Variants in HMG20A observed in about 807,000 individuals in gnomAD.
The protein encoded by HMG20A is high mobility group protein 20A.
HMG20A carries 17 observed loss-of-function variants against 43.9 expected under a neutral mutation model. The ratio of observed to expected loss-of-function variants is 0.39; its 90% CI spans 0.27 to 0.58. The LOEUF is 0.58. HMG20A is among the 20% of genes least tolerant of loss of function. HMG20A has a pLI of 0.59. For missense variants in HMG20A, 341 were observed against 438.2 expected, an observed-to-expected ratio of 0.78 and a Z score of 1.98; for synonymous variants, 132 against 147.5, an observed-to-expected ratio of 0.89 and a Z score of 0.76.
intron 1 of HMG20A, among the ~76,000 whole-genome samples, chr15:77,452,742 A>C (rs2142314878): frequency 6.6e-6 from 1 of 152,336 alleles, no homozygotes; most frequent in South Asian, 2.1e-4. Flanking sequence ...CAAAGAAAAA[A>C]AAAAGATAAT....
Position 77,484,983 on chromosome 15 carries a change from A to G in HMG20A, c.*2020A>G, listed in dbSNP as rs958239918. 3 of 152,250 alleles carry G rather than the reference A, an allele frequency of 2.0e-5. No individual in the cohort carries two copies. Among genetic ancestry groups the G allele is most frequent in the African/African-American group, 7.2e-5 (3 of 41,464 alleles). The allele number at this position is 152,250 out of a possible 1,614,324, so 9.4% of individuals were successfully genotyped here. ...ACTGCTTTTGTGACCAGAAAAGGCCATAACATGGTCCAGGATCATCATTCT... is the reference window on the plus strand; with the variant it reads ...ACTGCTTTTGTGACCAGAAAAGGCCGTAACATGGTCCAGGATCATCATTCT... On this transcript the variant is annotated 3_prime_UTR_variant, in exon 10 of 10. Transcript: ENST00000336216.
intron 6 of HMG20A, among the ~76,000 whole-genome samples, chr15:77,476,486 G>GAAAAAA (rs148901766): frequency 2.5e-5 from 2 of 81,428 alleles, no homozygotes; most frequent in East Asian, 5.6e-4. Flanking sequence ...CTCCCTCTCA[G>GAAAAAA]AAAAAAAAAA....
chr15:77,464,472 C>G, intron 3 of HMG20A, 85 bp downstream of exon 3: 1 of 1,384,972 alleles, frequency 7.2e-7, no homozygotes, highest in Non-Finnish European at 1.0e-6. Flanking sequence ...TCAAGGTGTT[C>G]ATATGACCTT....
At chr15:77,427,694 C>T (rs537620547) in intron 1 of HMG20A, among the ~76,000 whole-genome samples, 80 of 152,160 alleles carry the variant, frequency 5.3e-4, no homozygotes, top group African/African-American at 1.9e-3. Context: ...AATCAAAATT[C>T]TCTAATTTTA....
At chr15:77,508,402 AG>A in the HMG20A span, among the ~76,000 whole-genome samples, 2 of 152,214 alleles carry the variant, frequency 1.3e-5, no homozygotes, top group African/African-American at 4.8e-5. Flanking sequence ...ATCCCGTGCT[AG>A]GCCCTTTGCA....
the HMG20A span, among the ~76,000 whole-genome samples, chr15:77,514,073 G>T: frequency 6.6e-6 from 1 of 151,992 alleles, no homozygotes; most frequent in Admixed American, 6.6e-5. Context: ...TTCCTTAATG[G>T]TCCTGTCTCC....
rs1186753646 is a variant in HMG20A, at chr15:77,458,442, C to A, written c.35C>A (p.Pro12His). The part of the protein sequence containing the change: ...ENLMTSSTLP[P>H]LFADEDGSKE... The stretch of plus-strand genomic sequence containing the variant: ...TTGATGACTAGCTCCACCCTACCGC[C>A]CCTTTTTGCAGATGAAGACGGTTCC... Residue 12 changes from proline to histidine, a missense_variant, in exon 2 of 10, where the codon CCC becomes CAC. Pro to His is a moderately conservative substitution (Grantham distance 77). Transcript: ENST00000336216. 1 of 1,613,340 alleles carries A rather than the reference C, an allele frequency of 6.2e-7. No homozygotes were observed. The highest frequency in any genetic ancestry group is 1.3e-5 in the African/African-American group (1 of 74,862).
At chr15:77,449,025 G>A (rs893177813) in intron 1 of HMG20A, among the ~76,000 whole-genome samples, 1 of 151,856 alleles carries the variant, frequency 6.6e-6, no homozygotes, top group Non-Finnish European at 1.5e-5. Flanking sequence ...CTTCAGCCTG[G>A]GCAACAGAGT....
rs141772174 is a variant in HMG20A, at chr15:77,432,459, C to T, written c.-5+11455C>T. On this transcript the variant is annotated intron_variant, in intron 1 of 9. Coordinates refer to ENST00000336216, the MANE Select transcript of HMG20A (RefSeq NM_001304504.2). The stretch of plus-strand genomic sequence containing the variant: ...ATTGTTGGCCAGTCGCAGTGGCTCA[C>T]GCCTGTAATCTCAGCACCTTGGGAG... 1.7e-3 allele frequency among the ~76,000 whole-genome samples: 261 copies of T among 152,202 alleles called. 2 individuals are homozygous for T. The highest frequency in any genetic ancestry group is 5.4e-3 in the African/African-American group (224 of 41,536).
chr15:77,446,359 C>T (rs950935946), intron 1 of HMG20A, among the ~76,000 whole-genome samples: 1 of 151,322 alleles, frequency 6.6e-6, no homozygotes, highest in African/African-American at 2.4e-5. Context: ...TCTTATTTAC[C>T]TCTGTATCTT....
At chr15:77,481,922 C>T (rs1447377603) in intron 9 of HMG20A, 1 of 152,172 alleles carries the variant, frequency 6.6e-6, no homozygotes, top group African/African-American at 2.4e-5. Flanking sequence ...AAGAGTTTGG[C>T]AAAGTTTTCA....
At chr15:77,424,909 A>G (rs868004020) in intron 1 of HMG20A, among the ~76,000 whole-genome samples, 3 of 152,030 alleles carry the variant, frequency 2.0e-5, no homozygotes, top group African/African-American at 2.4e-5. Flanking sequence ...TCACACTATG[A>G]TCATACCTCA....
the HMG20A span, among the ~76,000 whole-genome samples, chr15:77,518,825 T>C: frequency 6.6e-6 from 1 of 152,170 alleles, no homozygotes; most frequent in Non-Finnish European, 1.5e-5. Context: ...CCAAAGGGAT[T>C]TGAGAGTTCC....
chr15:77,500,651 C>A, the HMG20A span, among the ~76,000 whole-genome samples: 1 of 151,656 alleles, frequency 6.6e-6, no homozygotes, highest in African/African-American at 2.4e-5. Flanking sequence ...TCACTGCAAC[C>A]TCCGCCTCCC....
At chr15:77,507,654 GC>G in the HMG20A span, among the ~76,000 whole-genome samples, 1 of 152,214 alleles carries the variant, frequency 6.6e-6, no homozygotes, top group Non-Finnish European at 1.5e-5. Context: ...CTTTAGAGGT[GC>G]CCCAATCAGG....
chr15:77,516,961 G>A, the HMG20A span, among the ~76,000 whole-genome samples: 9 of 152,246 alleles, frequency 5.9e-5, no homozygotes, highest in East Asian at 5.8e-4. Flanking sequence ...TGTCCCCATC[G>A]CCTCCCCGCA....
At chr15:77,477,433 C>T in intron 6 of HMG20A, 122 bp from the exon 7 acceptor site, 1 of 718,886 alleles carries the variant, frequency 1.4e-6, no homozygotes. Flanking sequence ...CACAGACTCA[C>T]CTGGACTGAT....
At chr15:77,429,840 GGA>G (rs1205989790) in intron 1 of HMG20A, among the ~76,000 whole-genome samples, 2 of 152,248 alleles carry the variant, frequency 1.3e-5, no homozygotes, top group Middle Eastern at 3.4e-3. Context: ...AAAATGAAAA[GGA>G]GAAACATCAG....
At chr15:77,478,978 T>C (rs779668120) in intron 8 of HMG20A, among the ~76,000 whole-genome samples, 1 of 152,254 alleles carries the variant, frequency 6.6e-6, no homozygotes. Context: ...TCATATATAC[T>C]ATACAGCAAT....
Sources: gnomAD v4.1 joint callset for allele counts (sites outside exome capture counted in the v4.1 genomes callset) on GRCh38, gnomAD v4.1.1 for gene constraint, MANE v1.5 for transcripts, NCBI Gene and HGNC (gene_info 2026-07-23, HGNC 2026-07-21) for gene names.